The following MTOR variants were observed in gnomAD, a reference collection of about 807,000 sequenced individuals.
MTOR encodes the protein mechanistic target of rapamycin kinase.
In MTOR, 70 loss-of-function variants were observed where a neutral mutation model predicts 319.8. The observed-to-expected ratio is 0.22, with a 90% CI of 0.18 to 0.27. The LOEUF (loss-of-function observed/expected upper bound fraction) is 0.27. Among genes scored for constraint, MTOR ranks in the 10% least tolerant of loss-of-function variants. MTOR has a pLI of 1.00. For synonymous variants in MTOR, 1,183 were observed against 1,211.4 expected (o/e 0.98, Z 0.49); for missense variants, 1,890 against 3,274.4 (o/e 0.58, Z 10.32).
Position 11,228,727 on chromosome 1 carries a change from G to C in MTOR, c.2971C>G (p.Pro991Ala), listed in dbSNP as rs375825284. 9.9e-6 allele frequency: 16 copies of C among 1,614,132 alleles called. No individual in the cohort carries two copies. The highest frequency in any genetic ancestry group is 1.3e-5 in the Non-Finnish European group (15 of 1,180,020). The change falls in exon 19 of 58, where the codon CCC becomes GCC. Residue 991 changes from proline (P) to alanine (A), a missense_variant. Pro to Ala is a conservative substitution (Grantham distance 27). Transcript: ENST00000361445. ...SLGLKCVQFL[P>A]QVMPTFLNVI... ...TTAAGGAACGTGGGCATGACCTGGG[G>C]CAGGAACTGCACACATTTGAGTCCC...
At chr1:11,184,318 T>G (rs1645245283) in intron 28 of MTOR, among the ~76,000 whole-genome samples, 1 of 152,200 alleles carries the variant, frequency 6.6e-6, no homozygotes, top group African/African-American at 2.4e-5. Context: ...GCCTAAGAAC[T>G]CAAGTGCTAT....
At chr1:11,225,415 A>T (rs1271689399) in intron 19 of MTOR, among the ~76,000 whole-genome samples, 2 of 135,002 alleles carry the variant, frequency 1.5e-5, no homozygotes, top group African/African-American at 5.1e-5. Context: ...CAAGTCAAAA[A>T]TTGGTTCTTT....
Position 11,106,806 on chromosome 1 carries a change from T to C in MTOR, c.*679A>G, listed in dbSNP as rs1641600261. 1 of 1,283,774 alleles carries C rather than the reference T, an allele frequency of 7.8e-7. No homozygotes were observed. The highest frequency in any genetic ancestry group is 2.9e-5 in the Admixed American group (1 of 33,976). 79.5% of individuals were successfully genotyped at this position (1,283,774 alleles called of 1,614,324 possible). ...CAGTGAGGGTGGTCCCACTGCACAG[T>C]GATCCCCTCTGTGCATCTGCTCAGC... On this transcript the variant is annotated 3_prime_UTR_variant, in exon 58 of 58. Transcript: ENST00000361445.
chr1:11,209,001 C>A (rs190435703), intron 25 of MTOR, among the ~76,000 whole-genome samples: 259 of 152,274 alleles, frequency 1.7e-3, no homozygotes, highest in Middle Eastern at 0.017. Flanking sequence ...AGTCTCAATG[C>A]CAACTAGGGG....
chr1:11,229,536 T>C (rs1215980141), intron 18 of MTOR, among the ~76,000 whole-genome samples: 1 of 152,224 alleles, frequency 6.6e-6, no homozygotes, highest in Non-Finnish European at 1.5e-5. Flanking sequence ...GCTCAGGCCC[T>C]GCTCTCAACA....
chr1:11,139,294 G>T lies in MTOR; in HGVS notation c.5130+10C>A. On this transcript the variant is annotated intron_variant, in intron 36 of 57. Transcript: ENST00000361445. ...AAGGTGGTCTGTTCTGGATGCATTGGGATACAGACCTTGCGGGCACTCTTC... is the reference window on the plus strand; with the variant it reads ...AAGGTGGTCTGTTCTGGATGCATTGTGATACAGACCTTGCGGGCACTCTTC... The T allele has an allele frequency of 6.3e-7, 1 of 1,598,306 alleles. No individual in the cohort carries two copies. The highest frequency in any genetic ancestry group is 1.4e-5 in the African/African-American group (1 of 73,628).
chr1:11,185,438 A>G (rs1037386871), intron 28 of MTOR, among the ~76,000 whole-genome samples: 14 of 151,472 alleles, frequency 9.2e-5, no homozygotes, highest in Admixed American at 3.9e-4. Flanking sequence ...AAAAGAAAGA[A>G]AGAAAGAAAG....
chr1:11,119,737 C>T (rs1298730102), intron 49 of MTOR, among the ~76,000 whole-genome samples: 2 of 149,942 alleles, frequency 1.3e-5, no homozygotes, highest in African/African-American at 2.5e-5. Context: ...CAGAGTAAGA[C>T]CTTGTCTCAA....
intron 28 of MTOR, chr1:11,195,400 A>G (rs2100729829): frequency 1.7e-5 from 3 of 172,650 alleles, no homozygotes; most frequent in Admixed American, 1.7e-4. Flanking sequence ...AGGGCAAAAC[A>G]CAAATCCCTT....
chr1:11,256,002 T>G lies in MTOR; in HGVS notation c.695A>C (p.Gln232Pro). The change falls in exon 5 of 58, where the codon CAG (glutamine) becomes CCG (proline). Residue 232 changes from glutamine (Q) to proline (P), a missense_variant. Around this residue, in one of 15 missense-constraint regions of MTOR, gnomAD observed 418 missense variants for 543.1 expected, o/e 0.77. Transcript: ENST00000361445. ...QREPKEMQKP[Q>P]WYRHTFEEAE... ...GAGCCATCTCCTTACCCTGTACCAC[T>G]GAGGCTTCTGCATCTCCTTCGGCTC... The G allele has an allele frequency of 1.9e-6, 3 of 1,614,078 alleles. No homozygotes were observed. Among genetic ancestry groups the G allele is most frequent in the Non-Finnish European group, 2.5e-6 (3 of 1,180,018 alleles).
chr1:11,253,403 C>T (rs1649956601), intron 6 of MTOR, among the ~76,000 whole-genome samples: 1 of 152,122 alleles, frequency 6.6e-6, no homozygotes. Flanking sequence ...TGTGAAAGCT[C>T]GTGTTTACTG....
At chr1:11,157,602 C>T (rs565374162) in intron 29 of MTOR, among the ~76,000 whole-genome samples, 2 of 152,252 alleles carry the variant, frequency 1.3e-5, no homozygotes, top group African/African-American at 4.8e-5. Flanking sequence ...CCAGGATGTG[C>T]GGACACGAGG....
intron 15 of MTOR, chr1:11,233,019 A>T (rs1569707979): frequency 2.1e-6 from 2 of 971,204 alleles, no homozygotes; most frequent in East Asian, 4.8e-5. Flanking sequence ...ACAAAAGTAA[A>T]ATCGTCCCAT....
chr1:11,150,288 C>A, intron 30 of MTOR, 62 bp from the exon 31 acceptor site: 1 of 1,442,228 alleles, frequency 6.9e-7, no homozygotes, highest in Non-Finnish European at 9.5e-7. Context: ...CAATCTTCCT[C>A]TCCTGCCCCT....
At position 11,122,656 on chromosome 1, in the gene MTOR, C is replaced by T. The variant is rs374340680; in HGVS notation, c.6663-530G>A. Among the ~76,000 whole-genome samples the T allele has an allele frequency of 1.2e-4, 19 of 152,074 alleles. No individual in the cohort carries two copies. In the East Asian group the frequency reaches 3.5e-3, roughly 28 times the overall value. ...CCGAGTAGCTGGGATTACAGATGCA[C>T]AACACCACACCCGGCTAATTTTTTG... On this transcript the variant is annotated intron_variant, in intron 47 of 57. Transcript: ENST00000361445.
At chr1:11,132,890 T>G (rs914845806) in intron 38 of MTOR, 190 bp downstream of exon 38, 5 of 589,108 alleles carry the variant, frequency 8.5e-6, no homozygotes, top group Non-Finnish European at 1.5e-5. Flanking sequence ...CAATAATCTT[T>G]CTGTATTAAT....
At chr1:11,180,966 G>A (rs1278416893) in intron 28 of MTOR, among the ~76,000 whole-genome samples, 6 of 152,002 alleles carry the variant, frequency 3.9e-5, no homozygotes, top group African/African-American at 7.2e-5. Context: ...TAATAGAGAC[G>A]GGGTTTCACC....
Position 11,109,090 on chromosome 1 carries a change from TA to T in MTOR, c.7528+199del, listed in dbSNP as rs1161865173. ...CCTCCTGAGTTAAATGAGATTAAAC[TA>T]ACATTAAGTACTGTTATCAGTCATC... On this transcript the variant is annotated intron_variant, in intron 56 of 57. Transcript: ENST00000361445. The surrounding 1 kb of genome is among the most constrained non-coding windows in gnomAD (Gnocchi z 4.0). 6.6e-6 allele frequency among the ~76,000 whole-genome samples: 1 copy of T among 152,226 alleles called. No homozygotes were observed. The highest frequency in any genetic ancestry group is 1.5e-5 in the Non-Finnish European group (1 of 68,036).
intron 24 of MTOR, 131 bp from the exon 25 acceptor site, chr1:11,209,589 T>C: frequency 1.9e-6 from 2 of 1,067,244 alleles, no homozygotes; most frequent in Non-Finnish European, 2.7e-6. Context: ...AAGTTGCACA[T>C]ATGGACAAAA....
Sources: gnomAD v4.1 joint callset for allele counts (sites outside exome capture counted in the v4.1 genomes callset) on GRCh38, gnomAD v4.1.1 for gene constraint, gnomAD v4.1.1 regional missense constraint, Gnocchi (gnomAD v3.1) non-coding constraint, MANE v1.5 for transcripts, NCBI Gene and HGNC (gene_info 2026-07-23, HGNC 2026-07-21) for gene names.